L2HGDH: variants seen among roughly 807,000 people sequenced by gnomAD.
L2HGDH encodes the protein L-2-hydroxyglutarate dehydrogenase, mitochondrial.
Under a neutral mutation model 51.5 loss-of-function variants are expected in L2HGDH, and 34 were observed. The observed-to-expected ratio is 0.66, with a 90% CI of 0.50 to 0.88. The LOEUF is 0.88. Among genes scored for constraint, L2HGDH ranks in the 40% least tolerant of loss-of-function variants. The pLI is 0.00. For missense variants in L2HGDH, 558 were observed against 571.9 expected (o/e 0.98, Z 0.25); for synonymous variants, 198 against 197.9 (o/e 1.00, Z -0.01).
intron 5 of L2HGDH, among the ~76,000 whole-genome samples, chr14:50,282,098 C>T (rs568914893): frequency 1.3e-5 from 2 of 152,220 alleles, no homozygotes; most frequent in South Asian, 2.1e-4. Context: ...CCTCGGCCTC[C>T]CAAAGTGCTG....
chr14:50,261,361 T>A (rs1413590051), intron 9 of L2HGDH, among the ~76,000 whole-genome samples: 1 of 152,218 alleles, frequency 6.6e-6, no homozygotes, highest in Admixed American at 6.5e-5. Context: ...ATTTTCCAAA[T>A]TGAAAATGGG....
In L2HGDH at chr14:50,280,839, A is replaced by G. The variant is rs572660968; in HGVS notation, c.704-2285T>C. On this transcript the variant is annotated intron_variant, in intron 5 of 9. Coordinates refer to ENST00000267436, the MANE Select transcript of L2HGDH (RefSeq NM_024884.3). The stretch of plus-strand genomic sequence containing the variant: ...CTAAAAAAAAAATTTTTTTGAGACA[A>G]GGTCTCACTGTGTCGGCCTGGCTGC... Among the ~76,000 whole-genome samples, 4 of 152,124 alleles carry G rather than the reference A, an allele frequency of 2.6e-5. No homozygotes were observed. In the South Asian group the frequency reaches 8.3e-4, roughly 32 times the overall value.
Position 50,243,175 on chromosome 14 carries a change from G to T in L2HGDH, c.*3883C>A, listed in dbSNP as rs1887865504. The T allele has an allele frequency of 3.0e-6, 3 of 985,254 alleles. No individual in the cohort carries two copies. In the African/African-American group the frequency reaches 5.2e-5, roughly 17 times the overall value. 61.0% of individuals were successfully genotyped at this position (985,254 alleles called of 1,614,324 possible). A position where few individuals can be genotyped will look rare whatever the true frequency, so the allele number is the denominator to read the frequency against. ...CTGAGAGGATCAAGGGAAGGACTTT[G>T]ATATACACATATATGTATGGATAAA... On this transcript the variant is annotated 3_prime_UTR_variant, in exon 10 of 10. Transcript: ENST00000267436.
At position 50,282,491 on chromosome 14, in the gene L2HGDH, T is replaced by A. The variant is rs559717939; in HGVS notation, c.703+1380A>T. ...GACATCTTTGTTAATCTGAAATTCT[T>A]GCTCGTTATTCAGCTTGTGGGGAAC... On this transcript the variant is annotated intron_variant, in intron 5 of 9. Transcript: ENST00000267436. The A allele has an allele frequency of 1.3e-5, 6 of 456,084 alleles. No individual in the cohort carries two copies. The East Asian group carries it at 4.2e-4, about 32-fold the overall frequency. The allele number at this position is 456,084 out of a possible 1,614,324, so 28.3% of individuals were successfully genotyped here. A position where few individuals can be genotyped will look rare whatever the true frequency, so the allele number is the denominator to read the frequency against.
intron 4 of L2HGDH, chr14:50,287,337 T>C: frequency 2.0e-6 from 2 of 983,166 alleles, no homozygotes; most frequent in African/African-American, 1.7e-5. Flanking sequence ...TTAACAAGGA[T>C]ACACAACAGG....
chr14:50,258,186 T>C (rs1888791598), intron 9 of L2HGDH, among the ~76,000 whole-genome samples: 2 of 152,048 alleles, frequency 1.3e-5, no homozygotes, highest in Admixed American at 1.3e-4. Flanking sequence ...TTCATCTATG[T>C]ACCAATCCAA....
rs766745949 is a variant in L2HGDH at position 50,265,445 on chromosome 14, G to A, written c.1109C>T (p.Thr370Ile). 4 of 1,613,160 alleles carry A rather than the reference G, an allele frequency of 2.5e-6. No homozygotes were observed. In the South Asian group the frequency reaches 3.3e-5, roughly 13 times the overall value. ...LASQNFSYGV[T>I]EMYKACFLGA... ...AAGAAAACATGCTTTATACATTTCAGTAACTCCATAGGAAAAATTCTGGGA... is the reference window on the plus strand; with the variant it reads ...AAGAAAACATGCTTTATACATTTCAATAACTCCATAGGAAAAATTCTGGGA... Residue 370 changes from threonine (T) to isoleucine (I), a missense_variant, in exon 9 of 10, where the codon ACT becomes ATT. By Grantham distance (89) the Thr-to-Ile change is moderately conservative (BLOSUM62 -1). Around this residue, in one of 3 missense-constraint regions of L2HGDH, gnomAD observed 321 missense variants for 311.8 expected, o/e 1.03. Coordinates refer to ENST00000267436, the MANE Select transcript of L2HGDH (RefSeq NM_024884.3).
chr14:50,302,003 AT>A lies in L2HGDH; in HGVS notation c.408+13del, dbSNP rs1327559417. ...TAGTTGGAAATTAGTCAAGGCTCTA[AT>A]AAAATGCCATACCTTGCCACACTGC... is the stretch of plus-strand genomic sequence containing the variant. On this transcript the variant is annotated intron_variant, in intron 3 of 9. Transcript: ENST00000267436. 289 of 1,613,834 alleles carry A rather than the reference AT, an allele frequency of 1.8e-4. No homozygotes were observed. The highest frequency in any genetic ancestry group is 2.4e-4 in the Non-Finnish European group (285 of 1,179,856).
chr14:50,252,098 G>GA (rs544855513), intron 9 of L2HGDH, among the ~76,000 whole-genome samples: 1,723 of 143,136 alleles, frequency 0.012, 25 homozygotes, highest in African/African-American at 0.038. Flanking sequence ...GATATAAAGA[G>GA]AAAAAAAAAA....
intron 1 of L2HGDH, among the ~76,000 whole-genome samples, chr14:50,309,665 CA>C (rs2030946095): frequency 6.8e-6 from 1 of 146,860 alleles, no homozygotes; most frequent in Non-Finnish European, 1.5e-5. Flanking sequence ...AACCTTGTGG[CA>C]ATAGAATATT....
At chr14:50,266,524 T>A (rs1379106418) in intron 8 of L2HGDH, among the ~76,000 whole-genome samples, 1 of 152,160 alleles carries the variant, frequency 6.6e-6, no homozygotes, top group Non-Finnish European at 1.5e-5. Context: ...CTGCCTGTAG[T>A]TCCAGCTACT....
chr14:50,311,574 A>C, intron 1 of L2HGDH: 3 of 431,936 alleles, frequency 6.9e-6, no homozygotes, highest in Middle Eastern at 3.7e-4. Context: ...CCAGGAACTG[A>C]TTTAAGACTG....
At chr14:50,283,259 T>C (rs1890376958) in intron 5 of L2HGDH, among the ~76,000 whole-genome samples, 1 of 152,108 alleles carries the variant, frequency 6.6e-6, no homozygotes, top group African/African-American at 2.4e-5. Flanking sequence ...GACTGTAATC[T>C]ACAGGGTAGG....
At chr14:50,311,556 G>C in intron 1 of L2HGDH, 1 of 445,582 alleles carries the variant, frequency 2.2e-6, no homozygotes, top group Non-Finnish European at 4.5e-6. Flanking sequence ...AACACTATGC[G>C]GGGTGTGCCA....
At chr14:50,259,554 T>C (rs1156802402) in intron 9 of L2HGDH, among the ~76,000 whole-genome samples, 1 of 151,476 alleles carries the variant, frequency 6.6e-6, no homozygotes, top group Admixed American at 6.6e-5. Flanking sequence ...ATTATCCAGG[T>C]GCAGTGGCTC....
rs757615298 is a variant in L2HGDH at position 50,283,942 on chromosome 14, C to A, written c.632G>T (p.Gly211Val). 6 of 1,614,000 alleles carry A rather than the reference C, an allele frequency of 3.7e-6. No individual in the cohort carries two copies. Among genetic ancestry groups the A allele is most frequent in the Admixed American group, 1.7e-5 (1 of 60,020 alleles). ...SFAQDFQEAG[G>V]SVLTNFEVKG... ...TACTTCAAAATTGGTCAAGACAGAG[C>A]CACCTGCTTCTTGGAAATCCTGGGC... is the stretch of plus-strand genomic sequence containing the variant. The change falls in exon 5 of 10, where the codon GGC (glycine) becomes GTC (valine). Residue 211 changes from glycine (G) to valine (V), a missense_variant. By Grantham distance (109) the Gly-to-Val change is moderately radical (BLOSUM62 -3). This residue lies in a region of L2HGDH where 321 missense variants were observed against 311.8 expected (regional missense o/e 1.03). Transcript: ENST00000267436.
At chr14:50,254,712 G>A (rs1888558166) in intron 9 of L2HGDH, among the ~76,000 whole-genome samples, 1 of 151,910 alleles carries the variant, frequency 6.6e-6, no homozygotes, top group Non-Finnish European at 1.5e-5. Context: ...TCCACATATT[G>A]AAAACCCTAC....
intron 1 of L2HGDH, among the ~76,000 whole-genome samples, chr14:50,308,072 A>G (rs2030833034): frequency 6.6e-6 from 1 of 152,224 alleles, no homozygotes; most frequent in South Asian, 2.1e-4. Context: ...CTCATACATA[A>G]AAGAACTCTC....
At chr14:50,303,042 G>C in intron 1 of L2HGDH, 25 bp from the exon 2 acceptor site, 1 of 1,435,982 alleles carries the variant, frequency 7.0e-7, no homozygotes, top group Non-Finnish European at 9.8e-7. Flanking sequence ...CATCTTTAAA[G>C]TAATTCATAT....
Sources: allele counts gnomAD v4.1 joint callset (sites outside exome capture counted in the v4.1 genomes callset), GRCh38; gene constraint gnomAD v4.1.1; regional missense constraint gnomAD v4.1.1; transcripts MANE v1.5; gene names NCBI Gene and HGNC (gene_info 2026-07-23, HGNC 2026-07-21).